Variants in CADPS observed in about 807,000 individuals in gnomAD.
CADPS encodes calcium dependent secretion activator, also known as calcium-dependent secretion activator 1.
A neutral mutation model predicts 167.3 loss-of-function variants in CADPS; 57 were observed. The observed-to-expected ratio is 0.34, with a 90% CI of 0.28 to 0.42. CADPS has a LOEUF of 0.42. Ranked by LOEUF, CADPS falls within the 20% of genes least tolerant of loss-of-function variation. CADPS has a pLI of 1.00. For synonymous variants in CADPS, 676 were observed against 635.3 expected, an observed-to-expected ratio of 1.06 and a Z score of -0.96; for missense variants, 1,414 against 1,738.1, an observed-to-expected ratio of 0.81 and a Z score of 3.32.
At chr3:62,718,127 T>C (rs1008646687) in intron 3 of CADPS, among the ~76,000 whole-genome samples, 2 of 152,162 alleles carry the variant, frequency 1.3e-5, no homozygotes, top group Non-Finnish European at 2.9e-5. Flanking sequence ...TTCATAGCCC[T>C]TACTACCATC....
At chr3:62,562,141 G>A (rs2079277760) in intron 9 of CADPS, among the ~76,000 whole-genome samples, 1 of 152,190 alleles carries the variant, frequency 6.6e-6, no homozygotes, top group Non-Finnish European at 1.5e-5. Context: ...GGGTGGTTGG[G>A]CAAGGAATTC....
At chr3:62,784,311 G>C (rs929664781) in intron 1 of CADPS, among the ~76,000 whole-genome samples, 2 of 152,094 alleles carry the variant, frequency 1.3e-5, no homozygotes, top group African/African-American at 4.8e-5. Context: ...ACATTATTTT[G>C]ATAACATAAG....
At chr3:62,461,014 G>T (rs2150288834) in intron 26 of CADPS, among the ~76,000 whole-genome samples, 1 of 152,320 alleles carries the variant, frequency 6.6e-6, no homozygotes, top group African/African-American at 2.4e-5. Flanking sequence ...GGTTCTGTCT[G>T]CTTTGAGATG....
At chr3:62,641,046 T>C (rs1035285255) in intron 6 of CADPS, among the ~76,000 whole-genome samples, 1 of 152,220 alleles carries the variant, frequency 6.6e-6, no homozygotes, top group Non-Finnish European at 1.5e-5. Flanking sequence ...AGGTACCACC[T>C]GTGCTATTAT....
chr3:62,592,768 G>C lies in CADPS; in HGVS notation c.1326-20C>G, dbSNP rs373420150. 26 of 1,567,026 alleles carry C rather than the reference G, an allele frequency of 1.7e-5. No individual in the cohort carries two copies. Among genetic ancestry groups the C allele is most frequent in the Non-Finnish European group, 2.1e-5 (24 of 1,137,680 alleles). ...CCCCAGCTGCAGACAGAATCAAAGA[G>C]GTCATTGTAGACATATCTGCCTTGA... is the stretch of plus-strand genomic sequence containing the variant. On this transcript the variant is annotated intron_variant, in intron 6 of 29. Transcript: ENST00000383710.
At chr3:62,700,251 ATTC>A (rs759543361) in intron 3 of CADPS, among the ~76,000 whole-genome samples, 51 of 152,216 alleles carry the variant, frequency 3.4e-4, no homozygotes, top group Admixed American at 5.9e-4. Flanking sequence ...GTGGAGCTTA[ATTC>A]TTCTTAGTAT....
intron 28 of CADPS, among the ~76,000 whole-genome samples, chr3:62,431,398 C>G (rs775038193): frequency 2.0e-5 from 3 of 152,044 alleles, no homozygotes; most frequent in East Asian, 3.9e-4. Flanking sequence ...TTAGCCCCCC[C>G]TCAATCTTTT....
At chr3:62,662,583 G>A (rs2073511287) in intron 3 of CADPS, among the ~76,000 whole-genome samples, 189 bp from the exon 4 acceptor site, 5 of 152,272 alleles carry the variant, frequency 3.3e-5, no homozygotes, top group Admixed American at 2.0e-4. Flanking sequence ...AGCGTGATAT[G>A]GTAGGCAGCT....
intron 9 of CADPS, among the ~76,000 whole-genome samples, chr3:62,560,214 AT>A (rs2078907141): frequency 6.6e-6 from 1 of 152,196 alleles, no homozygotes; most frequent in African/African-American, 2.4e-5. Context: ...ATTATTGGAA[AT>A]TTTGGGGGGA....
chr3:62,586,687 G>A (rs1479936271), intron 7 of CADPS, among the ~76,000 whole-genome samples: 1 of 152,126 alleles, frequency 6.6e-6, no homozygotes, highest in Non-Finnish European at 1.5e-5. Context: ...ATACAGAAAA[G>A]CCTGATTTTT....
At chr3:62,517,601 A>G (rs116377723) in intron 14 of CADPS, among the ~76,000 whole-genome samples, 1,809 of 152,294 alleles carry the variant, frequency 0.012, 30 homozygotes, top group African/African-American at 0.041. Context: ...GGACAGCACT[A>G]AAAACACCTA....
At chr3:62,583,895 C>T (rs761038037) in intron 8 of CADPS, among the ~76,000 whole-genome samples, 3 of 152,110 alleles carry the variant, frequency 2.0e-5, no homozygotes, top group Non-Finnish European at 1.5e-5. Flanking sequence ...GTCCTGGTCA[C>T]GCCCTCCTGG....
chr3:62,649,341 G>A lies in CADPS; in HGVS notation c.1203+1506C>T, dbSNP rs2069413654. Among the ~76,000 whole-genome samples the A allele has an allele frequency of 2.6e-5, 4 of 152,110 alleles. No individual in the cohort carries two copies. In the South Asian group the frequency reaches 8.3e-4, roughly 32 times the overall value. ...CATATCATATAATAAACCCATTTTA[G>A]ATGCACAATTCAGTGATTTTGGTAC... On this transcript the variant is annotated intron_variant, in intron 5 of 29. Coordinates refer to ENST00000383710, the MANE Select transcript of CADPS (RefSeq NM_003716.4).
At chr3:62,577,956 G>C (rs2082619728) in intron 8 of CADPS, among the ~76,000 whole-genome samples, 1 of 151,932 alleles carries the variant, frequency 6.6e-6, no homozygotes, top group Non-Finnish European at 1.5e-5. Context: ...GATCAGATAG[G>C]ACAAACAGAA....
intron 27 of CADPS, chr3:62,440,516 T>G (rs1208581110): frequency 7.4e-6 from 1 of 134,844 alleles, no homozygotes; most frequent in African/African-American, 2.8e-5. Context: ...CCCATAATAT[T>G]ATACCATTCC....
At chr3:62,405,136 T>TGGG (rs34330263) in intron 28 of CADPS, among the ~76,000 whole-genome samples, 2 of 123,552 alleles carry the variant, frequency 1.6e-5, no homozygotes, top group African/African-American at 7.8e-5. Flanking sequence ...ACATGTAATC[T>TGGG]GGGGGGGGGG....
intron 3 of CADPS, among the ~76,000 whole-genome samples, chr3:62,746,816 C>T (rs499596): frequency 0.89 from 135,087 of 152,174 alleles, 60,057 homozygotes; most frequent in Middle Eastern, 0.92. Flanking sequence ...AGCACAGCCT[C>T]GCCAGCACCT....
chr3:62,772,795 A>C (rs905040846), intron 1 of CADPS, among the ~76,000 whole-genome samples: 1 of 152,162 alleles, frequency 6.6e-6, no homozygotes, highest in Non-Finnish European at 1.5e-5. Flanking sequence ...AAGAAGGGAG[A>C]AGCAATGCTT....
chr3:62,651,557 T>C (rs377116208), intron 4 of CADPS, among the ~76,000 whole-genome samples: 40 of 152,310 alleles, frequency 2.6e-4, no homozygotes, highest in Middle Eastern at 3.4e-3. Flanking sequence ...GTTTCAAACA[T>C]AGTCTGTGTC....
Sources: allele counts gnomAD v4.1 joint callset (sites outside exome capture counted in the v4.1 genomes callset), GRCh38; gene constraint gnomAD v4.1.1; transcripts MANE v1.5; gene names NCBI Gene and HGNC (gene_info 2026-07-23, HGNC 2026-07-21).